Variants in KCTD16 observed in about 807,000 individuals in gnomAD.
KCTD16 encodes BTB/POZ domain-containing protein KCTD16.
In KCTD16, 13 loss-of-function variants were observed where a neutral mutation model predicts 33.2. The ratio of observed to expected loss-of-function variants is 0.39; its 90% confidence interval spans 0.25 to 0.62. KCTD16 has a LOEUF of 0.62. KCTD16 is among the 20% of genes least tolerant of loss of function. The pLI, the probability that KCTD16 is intolerant of heterozygous loss-of-function variation, is 0.50. For missense variants in KCTD16, 441 were observed against 525.1 expected, an observed-to-expected ratio of 0.84 and a Z score of 1.57; for synonymous variants, 197 against 195.3, an observed-to-expected ratio of 1.01 and a Z score of -0.07.
At chr5:144,344,139 G>T (rs1418132187) in intron 3 of KCTD16, among the ~76,000 whole-genome samples, 2 of 152,112 alleles carry the variant, frequency 1.3e-5, no homozygotes, top group Non-Finnish European at 2.9e-5. Context: ...ATAGTGCTGG[G>T]AAAACTGGCT....
rs766666088 is a variant in KCTD16 at position 144,291,678 on chromosome 5, G to A, written c.832+84132G>A. 9.2e-5 allele frequency among the ~76,000 whole-genome samples: 14 copies of A among 152,108 alleles called. 1 individual carries two copies. Among genetic ancestry groups the A allele is most frequent in the Admixed American group, 7.2e-4 (11 of 15,268 alleles). ...ACTTGAATGGCTTCCAATGAGGTAC[G>A]CCTAAAAATCATTAAACCAGGGACT... is the stretch of plus-strand genomic sequence containing the variant. On this transcript the variant is annotated intron_variant, in intron 3 of 3. Transcript: ENST00000512467.
At chr5:144,301,174 G>T (rs1176687021) in intron 3 of KCTD16, among the ~76,000 whole-genome samples, 1 of 150,696 alleles carries the variant, frequency 6.6e-6, no homozygotes, top group Admixed American at 6.6e-5. Flanking sequence ...CTGGGAGGTG[G>T]AGGTTGCAGT....
At chr5:144,350,723 A>T (rs1267186269) in intron 3 of KCTD16, among the ~76,000 whole-genome samples, 1 of 151,938 alleles carries the variant, frequency 6.6e-6, no homozygotes, top group African/African-American at 2.4e-5. Flanking sequence ...TTATATTTTA[A>T]TAAGATTATA....
chr5:144,399,560 C>A (rs1398679789), intron 3 of KCTD16, among the ~76,000 whole-genome samples: 2 of 152,020 alleles, frequency 1.3e-5, no homozygotes, highest in Non-Finnish European at 2.9e-5. Flanking sequence ...TGAAAATATA[C>A]CCTTTCCTCA....
chr5:144,469,730 G>A (rs1051322541), intron 3 of KCTD16, among the ~76,000 whole-genome samples: 3 of 151,936 alleles, frequency 2.0e-5, no homozygotes, highest in East Asian at 3.9e-4. Context: ...TGACTCTGGC[G>A]CCTGAGACCT....
rs142564162 is a variant in KCTD16, at chr5:144,218,871, A to G, written c.832+11325A>G. On this transcript the variant is annotated intron_variant, in intron 3 of 3. Coordinates refer to ENST00000512467, the MANE Select transcript of KCTD16 (RefSeq NM_020768.4). ...ATTAATAATACCACATTTTAAAGCAAGGAAACATGAAGTGTAAAATAAATG... is the reference window on the plus strand; with the variant it reads ...ATTAATAATACCACATTTTAAAGCAGGGAAACATGAAGTGTAAAATAAATG... Among the ~76,000 whole-genome samples, 245 of 152,352 alleles carry G rather than the reference A, an allele frequency of 1.6e-3. 2 individuals are homozygous for G. The highest frequency in any genetic ancestry group is 4.9e-3 in the African/African-American group (205 of 41,570).
At chr5:144,279,518 A>T (rs1561551746) in intron 3 of KCTD16, among the ~76,000 whole-genome samples, 1 of 152,222 alleles carries the variant, frequency 6.6e-6, no homozygotes, top group Non-Finnish European at 1.5e-5. Flanking sequence ...AGACTGGGTA[A>T]TTTATAAGAA....
At chr5:144,437,450 A>G (rs1053914191) in intron 3 of KCTD16, among the ~76,000 whole-genome samples, 19 of 152,178 alleles carry the variant, frequency 1.2e-4, no homozygotes, top group African/African-American at 4.3e-4. Flanking sequence ...TCATAGATAA[A>G]TGAGGATTAA....
At chr5:144,309,024 G>T (rs1200199700) in intron 3 of KCTD16, among the ~76,000 whole-genome samples, 2 of 152,134 alleles carry the variant, frequency 1.3e-5, no homozygotes, top group Non-Finnish European at 1.5e-5. Flanking sequence ...TTGTTAAGTG[G>T]TGTGGTTGGG....
intron 2 of KCTD16, among the ~76,000 whole-genome samples, chr5:144,195,365 T>C (rs1487372287): frequency 1.3e-5 from 2 of 152,232 alleles, no homozygotes; most frequent in African/African-American, 2.4e-5. Context: ...TGATCTGGGT[T>C]TCTTAGACCA....
In KCTD16 at chr5:144,485,284, C is replaced by G. The variant is rs914414015; in HGVS notation, c.*11170C>G. On this transcript the variant is annotated 3_prime_UTR_variant, in exon 4 of 4. Transcript: ENST00000512467. ...GGCAACCGCCTATAGATGGAACAGC[C>G]CTGAGCAACATATAAATATATACAT... 1.3e-5 allele frequency: 2 copies of G among 151,824 alleles called. No homozygotes were observed. Among genetic ancestry groups the G allele is most frequent in the Non-Finnish European group, 2.9e-5 (2 of 67,878 alleles). 9.4% of individuals were successfully genotyped at this position (151,824 alleles called of 1,614,324 possible). A position where few individuals can be genotyped will look rare whatever the true frequency, so the allele number is the denominator to read the frequency against.
chr5:144,326,960 G>A (rs563566848), intron 3 of KCTD16, among the ~76,000 whole-genome samples: 23 of 152,214 alleles, frequency 1.5e-4, no homozygotes, highest in African/African-American at 4.6e-4. Flanking sequence ...GTAACTGAGC[G>A]TTCTGAGAAA....
chr5:144,452,146 T>TTATATATATATATATATATATATATA (rs140891816), intron 3 of KCTD16, among the ~76,000 whole-genome samples: 39 of 138,148 alleles, frequency 2.8e-4, no homozygotes, highest in African/African-American at 1.2e-3. Flanking sequence ...ATATATAATA[T>TTATATATATATATATATATATATATA]TATATATATA....
At chr5:144,304,143 C>A (rs946475415) in intron 3 of KCTD16, among the ~76,000 whole-genome samples, 1 of 151,950 alleles carries the variant, frequency 6.6e-6, no homozygotes, top group African/African-American at 2.4e-5. Flanking sequence ...AAAAAAGAAA[C>A]AAGTAAATCA....
At chr5:144,314,121 C>G (rs1751842683) in intron 3 of KCTD16, among the ~76,000 whole-genome samples, 1 of 152,100 alleles carries the variant, frequency 6.6e-6, no homozygotes. Context: ...GAATAATTTC[C>G]TCCTCACTTT....
In KCTD16 at chr5:144,382,017, T is replaced by TATACATACATAC. The variant is rs111382461; in HGVS notation, c.833-91623_833-91612dup. On this transcript the variant is annotated intron_variant, in intron 3 of 3. Coordinates refer to ENST00000512467, the MANE Select transcript of KCTD16 (RefSeq NM_020768.4). ...TGGACTGGATGAAAGAAGATGTTTA[T>TATACATACATAC]ATACATACATACATACATACATACA... Among the ~76,000 whole-genome samples, 637 of 149,862 alleles carry TATACATACATAC rather than the reference T, an allele frequency of 4.3e-3. 5 individuals carry two copies. The highest frequency in any genetic ancestry group is 0.014 in the African/African-American group (553 of 40,730).
At chr5:144,240,808 T>G (rs1754381843) in intron 3 of KCTD16, among the ~76,000 whole-genome samples, 1 of 152,082 alleles carries the variant, frequency 6.6e-6, no homozygotes, top group Admixed American at 6.6e-5. Flanking sequence ...AAGATTATAT[T>G]GAGATTATGA....
chr5:144,222,440 T>A (rs1056004616), intron 3 of KCTD16, among the ~76,000 whole-genome samples: 5 of 152,140 alleles, frequency 3.3e-5, no homozygotes, highest in Admixed American at 3.3e-4. Flanking sequence ...GGATATGCCA[T>A]TGTAAGATTC....
chr5:144,172,527 T>C (rs1369175550), intron 1 of KCTD16, among the ~76,000 whole-genome samples: 1 of 152,200 alleles, frequency 6.6e-6, no homozygotes, highest in African/African-American at 2.4e-5. Flanking sequence ...CTAACTATAT[T>C]TTTGAATTTC....
Sources: gnomAD v4.1 joint callset for allele counts (sites outside exome capture counted in the v4.1 genomes callset) on GRCh38, gnomAD v4.1.1 for gene constraint, MANE v1.5 for transcripts, NCBI Gene and HGNC (gene_info 2026-07-23, HGNC 2026-07-21) for gene names.